The following ZMIZ1 variants were observed in gnomAD, a reference collection of about 807,000 sequenced individuals.
ZMIZ1 encodes zinc finger MIZ domain-containing protein 1.
In ZMIZ1, 17 loss-of-function variants were observed where a neutral mutation model predicts 113.9. The ratio of observed to expected loss-of-function variants is 0.15; its 90% CI spans 0.10 to 0.22. ZMIZ1 has a LOEUF of 0.22. Ranked by LOEUF, ZMIZ1 falls within the 10% of genes least tolerant of loss-of-function variation. ZMIZ1 has a pLI of 1.00. For missense variants in ZMIZ1, 1,059 were observed against 1,477.8 expected (o/e 0.72, Z 4.65); for synonymous variants, 607 against 603.1 (o/e 1.01, Z -0.09).
At chr10:79,146,930 C>T (rs116798542) in intron 3 of ZMIZ1, among the ~76,000 whole-genome samples, 1,632 of 143,258 alleles carry the variant, frequency 0.011, 23 homozygotes, top group African/African-American at 0.041. Context: ...AGTGGCTGTG[C>T]GTGTGTGTAG....
chr10:79,303,612 C>T (rs1290391199), intron 18 of ZMIZ1, among the ~76,000 whole-genome samples: 3 of 152,162 alleles, frequency 2.0e-5, no homozygotes, highest in South Asian at 2.1e-4. Context: ...GGCAGCTGTC[C>T]GTTTCCATTT....
At chr10:79,116,143 C>T (rs1844016904) in intron 1 of ZMIZ1, among the ~76,000 whole-genome samples, 1 of 152,058 alleles carries the variant, frequency 6.6e-6, no homozygotes, top group South Asian at 2.1e-4. Flanking sequence ...TTCAGCCCCA[C>T]CCTCCATCTC....
intron 6 of ZMIZ1, among the ~76,000 whole-genome samples, chr10:79,213,741 C>G (rs1483067804): frequency 6.6e-6 from 1 of 152,192 alleles, no homozygotes; most frequent in Admixed American, 6.5e-5. Context: ...AGTCTTAGCA[C>G]AGAAAGAGCC....
At chr10:79,238,979 G>T (rs1849703999) in intron 7 of ZMIZ1, among the ~76,000 whole-genome samples, 1 of 152,172 alleles carries the variant, frequency 6.6e-6, no homozygotes, top group African/African-American at 2.4e-5. Context: ...ACACAGGAGG[G>T]GTTCTGAGGT....
chr10:79,302,678 A>T (rs1854385665), intron 18 of ZMIZ1, among the ~76,000 whole-genome samples: 11 of 99,580 alleles, frequency 1.1e-4, no homozygotes, highest in Admixed American at 2.2e-4. Flanking sequence ...TCAACAGCTC[A>T]TGCTTTTTTT....
rs1235146272 is a variant in ZMIZ1, at chr10:79,314,120, G to C, written c.*1371G>C. 2 of 456,932 alleles carry C rather than the reference G, an allele frequency of 4.4e-6. No individual in the cohort carries two copies. Among genetic ancestry groups the C allele is most frequent in the Non-Finnish European group, 8.8e-6 (2 of 226,982 alleles). The allele number at this position is 456,932 out of a possible 1,614,324, so 28.3% of individuals were successfully genotyped here. A position where few individuals can be genotyped will look rare whatever the true frequency, so the allele number is the denominator to read the frequency against. On this transcript the variant is annotated 3_prime_UTR_variant, in exon 25 of 25. Transcript: ENST00000334512. ...CTCACCCAAACTCCTGCTCACTCAA[G>C]CAAAAGCAGCCTCTGGCCTTCCCTC...
At chr10:79,205,610 G>T (rs1848285688) in intron 5 of ZMIZ1, among the ~76,000 whole-genome samples, 1 of 152,316 alleles carries the variant, frequency 6.6e-6, no homozygotes, top group South Asian at 2.1e-4. Flanking sequence ...AGCCCTGAAT[G>T]CCATCACTAC....
At chr10:79,253,631 A>G (rs1048172439) in intron 7 of ZMIZ1, among the ~76,000 whole-genome samples, 12 of 152,094 alleles carry the variant, frequency 7.9e-5, no homozygotes, top group African/African-American at 2.9e-4. Context: ...CTGGCCTTCT[A>G]CCTTCCAAGT....
intron 2 of ZMIZ1, among the ~76,000 whole-genome samples, chr10:79,132,340 G>A (rs1844807613): frequency 1.4e-5 from 2 of 138,288 alleles, no homozygotes; most frequent in South Asian, 6.6e-4. Flanking sequence ...GAGCTACTCT[G>A]ATCACCAGCC....
At chr10:79,162,615 G>A (rs190125797) in intron 4 of ZMIZ1, among the ~76,000 whole-genome samples, 31 of 152,314 alleles carry the variant, frequency 2.0e-4, no homozygotes, top group Admixed American at 1.0e-3. Flanking sequence ...AATCCTGACT[G>A]GCATGCATGG....
Position 79,141,265 on chromosome 10 carries a change from T to C in ZMIZ1, c.-131+1488T>C, listed in dbSNP as rs1025181933. Among the ~76,000 whole-genome samples, 15 of 152,280 alleles carry C rather than the reference T, an allele frequency of 9.9e-5. No individual in the cohort carries two copies. In the South Asian group the frequency reaches 1.7e-3, roughly 17 times the overall value. ...CAGGAACTCTTTAAGTTCAGAGATA[T>C]AGCAGGGAATAAAGCAGACAAAACT... On this transcript the variant is annotated intron_variant, in intron 3 of 24. Coordinates refer to ENST00000334512, the MANE Select transcript of ZMIZ1 (RefSeq NM_020338.4).
At chr10:79,172,644 G>A (rs969089685) in intron 4 of ZMIZ1, among the ~76,000 whole-genome samples, 1 of 152,136 alleles carries the variant, frequency 6.6e-6, no homozygotes, top group African/African-American at 2.4e-5. Context: ...CTGGCCTTTG[G>A]TTGGCCTCTC....
chr10:79,152,902 C>T (rs1256233666), intron 3 of ZMIZ1, among the ~76,000 whole-genome samples: 2 of 152,230 alleles, frequency 1.3e-5, no homozygotes, highest in Non-Finnish European at 2.9e-5. Flanking sequence ...ATTCCTGGAC[C>T]TGCCAGCCTG....
chr10:79,219,334 GT>G (rs1848866382), intron 7 of ZMIZ1, among the ~76,000 whole-genome samples: 1 of 152,194 alleles, frequency 6.6e-6, no homozygotes, highest in South Asian at 2.1e-4. Context: ...GTTCTCATAT[GT>G]TTTGTGGTGG....
intron 23 of ZMIZ1, among the ~76,000 whole-genome samples, chr10:79,307,872 C>T (rs535699329): frequency 1.1e-3 from 167 of 152,234 alleles, no homozygotes; most frequent in Non-Finnish European, 2.0e-3. Flanking sequence ...ACCCAGCACA[C>T]GCCATCAGCC....
intron 6 of ZMIZ1, among the ~76,000 whole-genome samples, chr10:79,209,788 A>T (rs1014620954): frequency 6.6e-6 from 1 of 152,238 alleles, no homozygotes; most frequent in Non-Finnish European, 1.5e-5. Context: ...ACAGAGGAGG[A>T]AACTGAGACT....
intron 1 of ZMIZ1, among the ~76,000 whole-genome samples, chr10:79,090,442 C>G (rs1047096846): frequency 1.3e-5 from 2 of 152,164 alleles, no homozygotes; most frequent in Non-Finnish European, 2.9e-5. Flanking sequence ...CTTCTGCCCC[C>G]TCTCAGGGTG....
intron 1 of ZMIZ1, among the ~76,000 whole-genome samples, chr10:79,084,059 C>G (rs548433646): frequency 1.1e-4 from 17 of 152,218 alleles, no homozygotes; most frequent in Non-Finnish European, 2.4e-4. Context: ...ACACTCCACT[C>G]TATGCACCAT....
At chr10:79,259,169 G>A (rs1314056137) in intron 7 of ZMIZ1, among the ~76,000 whole-genome samples, 1 of 152,182 alleles carries the variant, frequency 6.6e-6, no homozygotes, top group Admixed American at 6.5e-5. Flanking sequence ...AACTTCCCAA[G>A]GCCCTGCCCG....
Sources: gnomAD v4.1 joint callset for allele counts (sites outside exome capture counted in the v4.1 genomes callset) on GRCh38, gnomAD v4.1.1 for gene constraint, MANE v1.5 for transcripts, NCBI Gene and HGNC (gene_info 2026-07-23, HGNC 2026-07-21) for gene names.